DAB2IP: variants seen among roughly 807,000 people sequenced by gnomAD.
DAB2IP encodes the protein DAB2 interacting protein.
In DAB2IP, 28 loss-of-function variants were observed where a neutral mutation model predicts 107.2. That is an observed-to-expected ratio of 0.26 (90% confidence interval 0.19 to 0.36). The LOEUF (loss-of-function observed/expected upper bound fraction) is 0.36. Ranked by LOEUF, DAB2IP falls within the 10% of genes least tolerant of loss-of-function variation. DAB2IP has a pLI of 1.00. For synonymous variants in DAB2IP, 755 were observed against 706.4 expected (o/e 1.07, Z -1.09); for missense variants, 1,400 against 1,644.7 (o/e 0.85, Z 2.57).
chr9:121,604,116 G>T (rs540756327), intron 1 of DAB2IP, among the ~76,000 whole-genome samples: 1 of 152,224 alleles, frequency 6.6e-6, no homozygotes, highest in Non-Finnish European at 1.5e-5. Flanking sequence ...GTCAAGGGCA[G>T]GAGCCAAGGG....
At chr9:121,582,343 C>T (rs1005965006) in intron 1 of DAB2IP, among the ~76,000 whole-genome samples, 1 of 152,108 alleles carries the variant, frequency 6.6e-6, no homozygotes, top group Non-Finnish European at 1.5e-5. Flanking sequence ...GCCCAAAGCC[C>T]CCTTCCTTCT....
At chr9:121,742,306 G>A (rs374504312) in intron 3 of DAB2IP, among the ~76,000 whole-genome samples, 46 of 152,354 alleles carry the variant, frequency 3.0e-4, no homozygotes, top group African/African-American at 9.4e-4. Flanking sequence ...GCCCATGCCT[G>A]TAATCCTAGC....
chr9:121,749,362 G>A (rs1387165508), intron 3 of DAB2IP, among the ~76,000 whole-genome samples: 1 of 152,248 alleles, frequency 6.6e-6, no homozygotes, highest in Non-Finnish European at 1.5e-5. Flanking sequence ...TTCTAGCACA[G>A]CCTCTGGACC....
At chr9:121,766,796 G>C in intron 9 of DAB2IP, 66 bp downstream of exon 9, 1 of 1,526,644 alleles carries the variant, frequency 6.6e-7, no homozygotes, top group Non-Finnish European at 9.0e-7. Flanking sequence ...AGGCCCTGGG[G>C]GTGTTTCTGC....
chr9:121,652,546 G>A (rs563632920), intron 1 of DAB2IP, among the ~76,000 whole-genome samples: 1 of 152,262 alleles, frequency 6.6e-6, no homozygotes, highest in East Asian at 1.9e-4. Flanking sequence ...TTCCTTCCCT[G>A]GCTGAGTAGG....
chr9:121,762,673 C>T (rs1833979349), intron 6 of DAB2IP, among the ~76,000 whole-genome samples: 1 of 151,810 alleles, frequency 6.6e-6, no homozygotes, highest in Admixed American at 6.5e-5. Context: ...AGGTGGCCCC[C>T]TGCCCTGACT....
intron 1 of DAB2IP, among the ~76,000 whole-genome samples, chr9:121,612,155 CAA>C (rs532696495): frequency 7.4e-6 from 1 of 134,808 alleles, no homozygotes; most frequent in African/African-American, 2.7e-5. Context: ...CCTGTCTCTA[CAA>C]AAAAAAAAAA....
At chr9:121,717,232 G>A (rs1830654690) in intron 3 of DAB2IP, among the ~76,000 whole-genome samples, 1 of 152,204 alleles carries the variant, frequency 6.6e-6, no homozygotes, top group Admixed American at 6.5e-5. Flanking sequence ...TTCGGGTCAA[G>A]CAGAATTCTG....
At chr9:121,675,170 TGTG>T (rs1833844786) in intron 1 of DAB2IP, among the ~76,000 whole-genome samples, 2 of 152,046 alleles carry the variant, frequency 1.3e-5, no homozygotes, top group South Asian at 4.2e-4. Context: ...TGTGCGGGGT[TGTG>T]AGTCATCCTT....
At chr9:121,767,913 A>C (rs1299077323) in intron 9 of DAB2IP, among the ~76,000 whole-genome samples, 1 of 152,148 alleles carries the variant, frequency 6.6e-6, no homozygotes, top group African/African-American at 2.4e-5. Context: ...AGGAGTTGAC[A>C]GCTGCCAGAG....
In DAB2IP at chr9:121,711,031, A is replaced by G. The variant is rs143359335; in HGVS notation, c.362+11573A>G. On this transcript the variant is annotated intron_variant, in intron 3 of 15. Coordinates refer to ENST00000408936, the Ensembl canonical transcript of DAB2IP. ...GAATTTGATGGTTGTTTATGAGGAT[A>G]GTGAAAACCTATTCCAGAGAGTTTC... Among the ~76,000 whole-genome samples, 290 of 152,350 alleles carry G rather than the reference A, an allele frequency of 1.9e-3. No homozygotes were observed. The Middle Eastern group carries it at 0.031, about 16-fold the overall frequency.
intron 3 of DAB2IP, among the ~76,000 whole-genome samples, chr9:121,754,337 C>T (rs551525252): frequency 5.9e-5 from 9 of 152,282 alleles, no homozygotes; most frequent in East Asian, 1.9e-4. Context: ...TGAGAGAGTA[C>T]GGGTCCACTG....
chr9:121,676,552 C>T (rs1427919541), intron 1 of DAB2IP, among the ~76,000 whole-genome samples: 3 of 152,176 alleles, frequency 2.0e-5, no homozygotes, highest in South Asian at 2.1e-4. Context: ...CCCAGGCACC[C>T]CCCACGCACC....
At position 121,782,799 on chromosome 9, in the gene DAB2IP, A is replaced by C; in HGVS notation, c.*301A>C. 8.1e-7 allele frequency: 1 copy of C among 1,236,416 alleles called. No homozygotes were observed. The highest frequency in any genetic ancestry group is 2.1e-5 in the South Asian group (1 of 46,584). 76.6% of individuals were successfully genotyped at this position (1,236,416 alleles called of 1,614,324 possible). ...CCAAAAATATGTCTGTTGGTTCCTG[A>C]ATGTGGTGTGTCCTTGTCCTCCTGG... On this transcript the variant is annotated 3_prime_UTR_variant, in exon 16 of 16. Coordinates refer to ENST00000408936, the Ensembl canonical transcript of DAB2IP. This position sits in a 1 kb window ranked among gnomAD's most constrained non-coding sequence, Gnocchi z 6.1.
intron 3 of DAB2IP, among the ~76,000 whole-genome samples, chr9:121,749,460 A>T (rs1589635969): frequency 6.6e-6 from 1 of 152,230 alleles, no homozygotes; most frequent in African/African-American, 2.4e-5. Flanking sequence ...CTGCAGAACC[A>T]TCAGGTCCTG....
rs555373723 is a variant in DAB2IP at position 121,725,663 on chromosome 9, C to T, written c.362+26205C>T. 4.2e-3 allele frequency among the ~76,000 whole-genome samples: 638 copies of T among 152,290 alleles called. 5 individuals carry two copies. Among genetic ancestry groups the T allele is most frequent in the African/African-American group, 0.015 (612 of 41,558 alleles). On this transcript the variant is annotated intron_variant, in intron 3 of 15. Coordinates refer to ENST00000408936, the Ensembl canonical transcript of DAB2IP. ...AGGGAGTGAGGACTCTACCAGCGCT[C>T]AAGGAAGGCTCCACTGAGTTGGTGG...
intron 3 of DAB2IP, among the ~76,000 whole-genome samples, chr9:121,731,727 C>T (rs1831551359): frequency 6.6e-6 from 1 of 152,164 alleles, no homozygotes; most frequent in South Asian, 2.1e-4. Context: ...CACTGACCTC[C>T]AGGTGCCCGG....
chr9:121,723,731 T>TG (rs1831070046), intron 3 of DAB2IP, among the ~76,000 whole-genome samples: 1 of 152,206 alleles, frequency 6.6e-6, no homozygotes, highest in Non-Finnish European at 1.5e-5. Flanking sequence ...CCTGTGTGGA[T>TG]GAAGACACAG....
intron 1 of DAB2IP, among the ~76,000 whole-genome samples, chr9:121,625,554 GCCTGGCCAA>G (rs1564118815): frequency 1.3e-5 from 2 of 152,112 alleles, no homozygotes. Flanking sequence ...GAGCCACCAC[GCCTGGCCAA>G]TGGCTGGGCT....
Sources: gnomAD v4.1 joint callset for allele counts (sites outside exome capture counted in the v4.1 genomes callset) on GRCh38, gnomAD v4.1.1 for gene constraint, Gnocchi (gnomAD v3.1) non-coding constraint, MANE v1.5 for transcripts, NCBI Gene and HGNC (gene_info 2026-07-23, HGNC 2026-07-21) for gene names.